WDR72: variants seen among roughly 807,000 people sequenced by gnomAD.
The protein encoded by WDR72 is WD repeat-containing protein 72.
WDR72 carries 120 observed loss-of-function variants against 124.2 expected under a neutral mutation model. That is an observed-to-expected ratio of 0.97 (90% CI 0.83 to 1.12). The LOEUF (loss-of-function observed/expected upper bound fraction) is 1.12, where lower values mean the gene tolerates loss of function less well. Among genes scored for constraint, WDR72 ranks in the 50% most tolerant of loss-of-function variants. WDR72 has a pLI of 0.00. For synonymous variants in WDR72, 452 were observed against 441.7 expected (o/e 1.02, Z -0.29); for missense variants, 1,387 against 1,278.8 (o/e 1.08, Z -1.29).
chr15:53,582,962 C>T (rs1740042498), intron 18 of WDR72, among the ~76,000 whole-genome samples: 1 of 151,880 alleles, frequency 6.6e-6, no homozygotes, highest in Non-Finnish European at 1.5e-5. Flanking sequence ...TGATAATATT[C>T]TCCTATGGAA....
intron 2 of WDR72, among the ~76,000 whole-genome samples, chr15:53,732,080 G>A (rs192865109): frequency 6.6e-6 from 1 of 152,248 alleles, no homozygotes; most frequent in Admixed American, 6.5e-5. Context: ...TATTTTTAAA[G>A]CACAACTGTT....
At chr15:53,682,825 T>C (rs929282350) in intron 13 of WDR72, among the ~76,000 whole-genome samples, 8 of 152,196 alleles carry the variant, frequency 5.3e-5, no homozygotes, top group Non-Finnish European at 8.8e-5. Context: ...GTTATCTTTA[T>C]AGCAGTATTC....
intron 18 of WDR72, among the ~76,000 whole-genome samples, chr15:53,525,854 A>C (rs1229639840): frequency 6.6e-6 from 1 of 152,078 alleles, no homozygotes. Flanking sequence ...TTTTTACTGG[A>C]TAGTTCCTAG....
chr15:53,661,433 A>G (rs889477944), intron 14 of WDR72, among the ~76,000 whole-genome samples: 2 of 152,134 alleles, frequency 1.3e-5, no homozygotes, highest in African/African-American at 4.8e-5. Flanking sequence ...AAACTGATAG[A>G]GCTCATGTAC....
At chr15:53,616,310 T>A in intron 14 of WDR72, 67 bp from the exon 15 acceptor site, 1 of 1,379,552 alleles carries the variant, frequency 7.2e-7, no homozygotes, top group Non-Finnish European at 1.0e-6. Context: ...TCCATGATGT[T>A]AAAGTGGCAT....
chr15:53,572,431 T>G (rs955877939), intron 18 of WDR72, among the ~76,000 whole-genome samples: 1 of 151,948 alleles, frequency 6.6e-6, no homozygotes, highest in African/African-American at 2.4e-5. Flanking sequence ...TTGCCCTACC[T>G]ATGATATTTT....
intron 1 of WDR72, among the ~76,000 whole-genome samples, chr15:53,758,675 G>C (rs1165724417): frequency 6.6e-6 from 1 of 150,418 alleles, no homozygotes; most frequent in Non-Finnish European, 1.5e-5. Context: ...GTGACAATGG[G>C]AAGGGGTGGA....
At chr15:53,633,643 A>C (rs570339535) in intron 14 of WDR72, among the ~76,000 whole-genome samples, 6 of 152,354 alleles carry the variant, frequency 3.9e-5, no homozygotes, top group African/African-American at 1.4e-4. Context: ...AATTATAAAG[A>C]TAAATTGACA....
At chr15:53,646,328 T>G (rs1416701394) in intron 14 of WDR72, among the ~76,000 whole-genome samples, 1 of 152,136 alleles carries the variant, frequency 6.6e-6, no homozygotes, top group African/African-American at 2.4e-5. Flanking sequence ...TAACTCATAT[T>G]CTCTTATCAT....
chr15:53,517,515 T>C lies in WDR72; in HGVS notation c.*184A>G. 1.6e-6 allele frequency: 1 copy of C among 642,808 alleles called. No homozygotes were observed. Among genetic ancestry groups the C allele is most frequent in the East Asian group, 2.8e-5 (1 of 35,290 alleles). 39.8% of individuals were successfully genotyped at this position (642,808 alleles called of 1,614,324 possible). A position where few individuals can be genotyped will look rare whatever the true frequency, so the allele number is the denominator to read the frequency against. ...TGAATATGAATATTTTCAATCAGTA[T>C]GTATTGCATTGTAATCAGCATGTAT... On this transcript the variant is annotated 3_prime_UTR_variant, in exon 20 of 20. Transcript: ENST00000360509.
At chr15:53,722,656 C>T (rs1595874348) in intron 3 of WDR72, 146 bp downstream of exon 3, 1 of 719,572 alleles carries the variant, frequency 1.4e-6, no homozygotes, top group African/African-American at 1.8e-5. Flanking sequence ...ACAAGTTATT[C>T]AAACTTTCTA....
chr15:53,593,935 T>C (rs536950119), intron 18 of WDR72, among the ~76,000 whole-genome samples: 1 of 152,128 alleles, frequency 6.6e-6, no homozygotes, highest in African/African-American at 2.4e-5. Context: ...TTTCTTAGAG[T>C]ATAGTTCTTT....
At chr15:53,562,825 G>T (rs2140295830) in intron 18 of WDR72, among the ~76,000 whole-genome samples, 1 of 151,816 alleles carries the variant, frequency 6.6e-6, no homozygotes, top group East Asian at 1.9e-4. Context: ...GGCAATGCAG[G>T]TATTCTAAAA....
intron 1 of WDR72, among the ~76,000 whole-genome samples, chr15:53,748,388 T>C (rs1383504280): frequency 2.0e-5 from 3 of 152,200 alleles, no homozygotes; most frequent in Non-Finnish European, 4.4e-5. Context: ...CATAAGTATA[T>C]TTGTTTTGGA....
In WDR72 at chr15:53,733,060, T is replaced by G. The variant is rs769430713; in HGVS notation, c.90A>C (p.Arg30=). 12 of 1,613,938 alleles carry G rather than the reference T, an allele frequency of 7.4e-6. No homozygotes were observed. In the African/African-American group the frequency reaches 1.6e-4, roughly 22 times the overall value. ...ITAIMITDDQ[R]TIVTGSQEGQ... ...CCTCTTGACTTCCAGTCACAATCGTTCGCTGGTCATCAGTGATCATGATGG... is the reference window on the plus strand; with the variant it reads ...CCTCTTGACTTCCAGTCACAATCGTGCGCTGGTCATCAGTGATCATGATGG... The change falls in exon 2 of 20, where the codon CGA becomes CGC. Residue 30 remains arginine (R), a synonymous_variant. Coordinates refer to ENST00000360509, the MANE Select transcript of WDR72 (RefSeq NM_182758.4).
At chr15:53,719,195 T>G (rs1424060042) in intron 3 of WDR72, among the ~76,000 whole-genome samples, 1 of 152,216 alleles carries the variant, frequency 6.6e-6, no homozygotes, top group African/African-American at 2.4e-5. Flanking sequence ...TAAACATGAA[T>G]GCTTGCTTTG....
At chr15:53,651,151 C>T (rs140422540) in intron 14 of WDR72, among the ~76,000 whole-genome samples, 166 of 152,252 alleles carry the variant, frequency 1.1e-3, no homozygotes, top group African/African-American at 3.9e-3. Context: ...ACATCAACCT[C>T]ATTCCTACTT....
chr15:53,637,661 T>C (rs2014675072), intron 14 of WDR72, among the ~76,000 whole-genome samples: 1 of 152,174 alleles, frequency 6.6e-6, no homozygotes, highest in Non-Finnish European at 1.5e-5. Context: ...GTGTGTGCTT[T>C]TCCCTGTGCC....
At chr15:53,551,826 C>T (rs2140280066) in intron 18 of WDR72, among the ~76,000 whole-genome samples, 1 of 152,124 alleles carries the variant, frequency 6.6e-6, no homozygotes, top group South Asian at 2.1e-4. Context: ...GATACCAATT[C>T]AGATATGGAA....
Sources: allele counts gnomAD v4.1 joint callset (sites outside exome capture counted in the v4.1 genomes callset), GRCh38; gene constraint gnomAD v4.1.1; transcripts MANE v1.5; gene names NCBI Gene and HGNC (gene_info 2026-07-23, HGNC 2026-07-21).